The following CFAP299 variants were observed in gnomAD, a reference collection of about 807,000 sequenced individuals.
CFAP299 encodes cilia- and flagella-associated protein 299.
Under a neutral mutation model 27.0 loss-of-function variants are expected in CFAP299, and 21 were observed. That is an observed-to-expected ratio of 0.78 (90% CI 0.55 to 1.12). The LOEUF is 1.12. Among genes scored for constraint, CFAP299 ranks in the 50% most tolerant of loss-of-function variants. The pLI, the probability that CFAP299 is intolerant of heterozygous loss-of-function variation, is 0.00. For missense variants in CFAP299, 310 were observed against 276.6 expected (o/e 1.12, Z -0.86); for synonymous variants, 104 against 98.1 (o/e 1.06, Z -0.36).
chr4:80,549,842 T>G (rs1734413821), intron 2 of CFAP299, among the ~76,000 whole-genome samples: 1 of 152,104 alleles, frequency 6.6e-6, no homozygotes, highest in Non-Finnish European at 1.5e-5. Context: ...AATATAATTT[T>G]TGATACATAC....
intron 2 of CFAP299, among the ~76,000 whole-genome samples, chr4:80,368,694 T>A (rs1377560942): frequency 6.6e-6 from 1 of 152,226 alleles, no homozygotes; most frequent in Non-Finnish European, 1.5e-5. Flanking sequence ...GGCTTTATCC[T>A]GTCAACCTTG....
chr4:80,623,936 C>T (rs959978113), intron 3 of CFAP299, among the ~76,000 whole-genome samples: 2 of 152,150 alleles, frequency 1.3e-5, no homozygotes, highest in African/African-American at 4.8e-5. Context: ...GTACGCCAGG[C>T]TTCAGGCAGC....
chr4:80,460,310 T>A (rs1052579653), intron 2 of CFAP299, among the ~76,000 whole-genome samples: 1 of 152,198 alleles, frequency 6.6e-6, no homozygotes, highest in Non-Finnish European at 1.5e-5. Flanking sequence ...ATTTCACCAA[T>A]GCAGATTTTT....
chr4:80,929,440 C>A (rs1055391036), intron 4 of CFAP299, among the ~76,000 whole-genome samples: 101 of 150,780 alleles, frequency 6.7e-4, no homozygotes, highest in African/African-American at 2.4e-3. Flanking sequence ...CACCACTATA[C>A]ATCCAGTCTC....
chr4:80,536,691 C>T (rs900722088), intron 2 of CFAP299, among the ~76,000 whole-genome samples: 2 of 152,090 alleles, frequency 1.3e-5, no homozygotes, highest in South Asian at 2.1e-4. Context: ...TGTCATCTCA[C>T]ATCATGTAAC....
chr4:80,545,142 T>A (rs1042498365), intron 2 of CFAP299, among the ~76,000 whole-genome samples: 1 of 152,008 alleles, frequency 6.6e-6, no homozygotes, highest in Non-Finnish European at 1.5e-5. Flanking sequence ...ATCAAGAAAT[T>A]CTTTGAAACT....
At chr4:80,893,182 T>C (rs1332073585) in intron 4 of CFAP299, among the ~76,000 whole-genome samples, 1 of 151,598 alleles carries the variant, frequency 6.6e-6, no homozygotes, top group African/African-American at 2.4e-5. Context: ...TAACCAAAGA[T>C]GTGAAAAAAC....
At chr4:80,571,768 T>C (rs542918044) in intron 2 of CFAP299, among the ~76,000 whole-genome samples, 2 of 152,216 alleles carry the variant, frequency 1.3e-5, no homozygotes, top group South Asian at 4.2e-4. Context: ...TTCTCTGCCA[T>C]GTTGATACAG....
intron 3 of CFAP299, among the ~76,000 whole-genome samples, chr4:80,775,518 A>G (rs1408807547): frequency 6.6e-6 from 1 of 152,068 alleles, no homozygotes; most frequent in Non-Finnish European, 1.5e-5. Flanking sequence ...TTTAAATTAT[A>G]TAGCTAATCA....
At chr4:80,921,028 T>C (rs773203564) in intron 4 of CFAP299, among the ~76,000 whole-genome samples, 2 of 152,100 alleles carry the variant, frequency 1.3e-5, no homozygotes, top group Non-Finnish European at 2.9e-5. Flanking sequence ...CCTTCTAGTC[T>C]AAGTTTTTGT....
At chr4:80,876,356 T>A (rs1300438782) in intron 4 of CFAP299, among the ~76,000 whole-genome samples, 1 of 151,962 alleles carries the variant, frequency 6.6e-6, no homozygotes, top group Non-Finnish European at 1.5e-5. Flanking sequence ...CTCAGGATAG[T>A]GAGTGAGTTC....
Position 80,771,256 on chromosome 4 carries a change from T to C in CFAP299, c.334-98737T>C, listed in dbSNP as rs578048857. On this transcript the variant is annotated intron_variant, in intron 3 of 5. Coordinates refer to ENST00000358105, the MANE Select transcript of CFAP299 (RefSeq NM_152770.3). The stretch of plus-strand genomic sequence containing the variant: ...TGAAGCATATTTTCTTAATTTAATA[T>C]GCTAAAACCAGCATAGATGTTTATG... Among the ~76,000 whole-genome samples, 3 of 152,302 alleles carry C rather than the reference T, an allele frequency of 2.0e-5. No homozygotes were observed. In the East Asian group the frequency reaches 5.8e-4, roughly 29 times the overall value.
intron 4 of CFAP299, among the ~76,000 whole-genome samples, chr4:80,930,879 T>C (rs1736578563): frequency 6.6e-6 from 1 of 152,078 alleles, no homozygotes; most frequent in Admixed American, 6.5e-5. Flanking sequence ...TGATCTAGGG[T>C]TCAACTGCAG....
chr4:80,518,725 G>A (rs1452246911), intron 2 of CFAP299, among the ~76,000 whole-genome samples: 1 of 152,084 alleles, frequency 6.6e-6, no homozygotes, highest in African/African-American at 2.4e-5. Context: ...ATCATGTCAT[G>A]TGCTGGCTTT....
intron 2 of CFAP299, among the ~76,000 whole-genome samples, chr4:80,503,787 G>A (rs1306158607): frequency 6.6e-6 from 1 of 152,134 alleles, no homozygotes; most frequent in African/African-American, 2.4e-5. Flanking sequence ...TTGCCACCAA[G>A]TAAATGAAAT....
chr4:80,874,657 A>G (rs1347045979), intron 4 of CFAP299, among the ~76,000 whole-genome samples: 1 of 152,200 alleles, frequency 6.6e-6, no homozygotes, highest in Non-Finnish European at 1.5e-5. Flanking sequence ...GCACTAATCC[A>G]TTTCTGAGGC....
intron 2 of CFAP299, among the ~76,000 whole-genome samples, chr4:80,456,795 A>G (rs1378179593): frequency 2.6e-5 from 4 of 152,156 alleles, no homozygotes; most frequent in African/African-American, 9.7e-5. Flanking sequence ...AATCATGTAA[A>G]TGAATAAAAT....
rs192717400 is a variant in CFAP299, at chr4:80,385,856, C to T, written c.242+22972C>T. On this transcript the variant is annotated intron_variant, in intron 2 of 5. Transcript: ENST00000358105. ...AGAGTGGGCGGAACTGCCCTGTCTT[C>T]TCTCCCAGGGGACGCAACTACCAGC... Among the ~76,000 whole-genome samples, 506 of 152,376 alleles carry T rather than the reference C, an allele frequency of 3.3e-3. 7 individuals are homozygous for T. Among genetic ancestry groups the T allele is most frequent in the African/African-American group, 0.012 (483 of 41,592 alleles).
At chr4:80,668,533 TC>T (rs1203554685) in intron 3 of CFAP299, among the ~76,000 whole-genome samples, 1 of 152,198 alleles carries the variant, frequency 6.6e-6, no homozygotes, top group Non-Finnish European at 1.5e-5. Context: ...ATCCAGTTTC[TC>T]CAGCTCCATT....
Sources: allele counts gnomAD v4.1 joint callset (sites outside exome capture counted in the v4.1 genomes callset), GRCh38; gene constraint gnomAD v4.1.1; transcripts MANE v1.5; gene names NCBI Gene and HGNC (gene_info 2026-07-23, HGNC 2026-07-21).